Variants in CACNG5 observed in about 807,000 individuals in gnomAD.
The protein encoded by CACNG5 is calcium voltage-gated channel auxiliary subunit gamma 5.
In CACNG5, 18 loss-of-function variants were observed where a neutral mutation model predicts 24.8. The observed-to-expected ratio is 0.73, with a 90% CI of 0.50 to 1.08. The LOEUF (loss-of-function observed/expected upper bound fraction) is 1.08, where lower values mean the gene tolerates loss of function less well. CACNG5 is among the 50% of genes least tolerant of loss of function. The probability of loss-of-function intolerance (pLI) is 0.00; values close to 1 mark genes in which losing one functional copy is unlikely to be tolerated. For missense variants in CACNG5, 349 were observed against 367.9 expected (o/e 0.95, Z 0.42); for synonymous variants, 157 against 149.1 (o/e 1.05, Z -0.39).
chr17:66,835,718 C>T (rs1976474502), intron 1 of CACNG5, among the ~76,000 whole-genome samples: 1 of 152,160 alleles, frequency 6.6e-6, no homozygotes, highest in Non-Finnish European at 1.5e-5. Context: ...CTCATTTCTC[C>T]AGCTCGTGGG....
intron 3 of CACNG5, 136 bp from the exon 4 acceptor site, chr17:66,880,421 A>G (rs1977139984): frequency 2.1e-6 from 2 of 960,078 alleles, no homozygotes; most frequent in African/African-American, 3.3e-5. Flanking sequence ...TGATGGGGGT[A>G]GAGTCTGGGG....
At chr17:66,852,439 G>C (rs1340534451) in intron 1 of CACNG5, among the ~76,000 whole-genome samples, 1 of 152,052 alleles carries the variant, frequency 6.6e-6, no homozygotes, top group Admixed American at 6.6e-5. Context: ...AACCCTAATA[G>C]AAAATTGAAG....
chr17:66,848,040 G>T (rs77302001), intron 1 of CACNG5, among the ~76,000 whole-genome samples: 2,011 of 152,282 alleles, frequency 0.013, 47 homozygotes, highest in African/African-American at 0.046. Context: ...GGTGGGATTT[G>T]CTCTGTGCAT....
At chr17:66,848,475 G>A (rs1306924015) in intron 1 of CACNG5, among the ~76,000 whole-genome samples, 4 of 152,136 alleles carry the variant, frequency 2.6e-5, no homozygotes, top group African/African-American at 7.2e-5. Flanking sequence ...CCCTGCACAC[G>A]GTCACCTCAT....
At chr17:66,877,097 G>A (rs557758392) in intron 1 of CACNG5, 133 bp from the exon 2 acceptor site, 62 of 493,712 alleles carry the variant, frequency 1.3e-4, no homozygotes, top group African/African-American at 6.0e-4. Context: ...GAATTGCTGC[G>A]GGGTTAGGGG....
At chr17:66,846,377 A>C (rs1295567972) in intron 1 of CACNG5, among the ~76,000 whole-genome samples, 1 of 152,140 alleles carries the variant, frequency 6.6e-6, no homozygotes, top group Non-Finnish European at 1.5e-5. Flanking sequence ...TGAAGCAGTC[A>C]CTTCCATTCC....
chr17:66,841,706 G>A (rs530990298), intron 1 of CACNG5, among the ~76,000 whole-genome samples: 24 of 152,292 alleles, frequency 1.6e-4, no homozygotes, highest in African/African-American at 4.1e-4. Flanking sequence ...GACTCAGTGC[G>A]TGAGCTTAGA....
intron 1 of CACNG5, among the ~76,000 whole-genome samples, chr17:66,849,270 T>C (rs559317034): frequency 9.0e-4 from 125 of 139,646 alleles, no homozygotes; most frequent in African/African-American, 3.0e-3. Context: ...GTGGGGAGGG[T>C]GAGGAACACT....
At chr17:66,851,867 G>T (rs1028462919) in intron 1 of CACNG5, among the ~76,000 whole-genome samples, 10 of 152,338 alleles carry the variant, frequency 6.6e-5, no homozygotes, top group African/African-American at 2.4e-4. Flanking sequence ...TAAATAGATT[G>T]TAGCCATTAA....
In CACNG5 at chr17:66,888,906, G is replaced by T; in HGVS notation, c.*3666G>T. On this transcript the variant is annotated 3_prime_UTR_variant, in exon 6 of 6. Transcript: ENST00000533854. ...GTCATTTGTGGTTTATGGTCATGTT[G>T]ACCTTAGCCATTAGGCTGATGCCCT... 6.6e-6 allele frequency among the ~76,000 whole-genome samples: 1 copy of T among 152,198 alleles called. No individual in the cohort carries two copies.
At chr17:66,835,415 GCAGTGT>G (rs1481672994) in intron 1 of CACNG5, among the ~76,000 whole-genome samples, 165 bp downstream of exon 1, 1 of 152,196 alleles carries the variant, frequency 6.6e-6, no homozygotes, top group Non-Finnish European at 1.5e-5. Context: ...CCTGGAAGGG[GCAGTGT>G]GGTGGGGAGC....
At chr17:66,851,225 G>GC (rs921519951) in intron 1 of CACNG5, among the ~76,000 whole-genome samples, 101 of 152,230 alleles carry the variant, frequency 6.6e-4, no homozygotes, top group African/African-American at 2.4e-3. Flanking sequence ...AGTTTCTAAC[G>GC]CCCCCCAGGG....
At chr17:66,870,990 A>AT (rs1277512695) in intron 1 of CACNG5, among the ~76,000 whole-genome samples, 5 of 151,884 alleles carry the variant, frequency 3.3e-5, no homozygotes, top group East Asian at 3.9e-4. Flanking sequence ...CAAAAAAAAA[A>AT]AAGTCACATA....
At chr17:66,854,666 C>A (rs988124018) in intron 1 of CACNG5, among the ~76,000 whole-genome samples, 3 of 151,926 alleles carry the variant, frequency 2.0e-5, no homozygotes, top group African/African-American at 4.8e-5. Context: ...TGCACTCCAG[C>A]CTGGGAAACA....
intron 1 of CACNG5, among the ~76,000 whole-genome samples, chr17:66,870,050 T>C (rs1358021513): frequency 9.9e-5 from 15 of 151,188 alleles, no homozygotes; most frequent in Admixed American, 9.9e-4. Flanking sequence ...GCCACTGCAC[T>C]CCAGCCTGGG....
chr17:66,884,846 G>C, intron 5 of CACNG5, 137 bp from the exon 6 acceptor site: 1 of 1,613,312 alleles, frequency 6.2e-7, no homozygotes, highest in Non-Finnish European at 8.5e-7. Flanking sequence ...CCTCCGGCCA[G>C]GATGTCCCCA....
At chr17:66,860,599 TGA>T (rs1976840380) in intron 1 of CACNG5, among the ~76,000 whole-genome samples, 1 of 145,518 alleles carries the variant, frequency 6.9e-6, no homozygotes, top group African/African-American at 2.6e-5. Flanking sequence ...AAACAGAAAC[TGA>T]GAGAATGTGT....
rs895678573 is a variant in CACNG5, at chr17:66,877,112, G to A, written c.-103-118G>A. On this transcript the variant is annotated intron_variant, in intron 1 of 5. Transcript: ENST00000533854. Reference sequence around the variant, plus strand: ...GAATTGCTGCGGGGTTAGGGGGAGGGTGGCACCTCTGTTGCAGTGACCTGG... The same window carrying A: ...GAATTGCTGCGGGGTTAGGGGGAGGATGGCACCTCTGTTGCAGTGACCTGG... The A allele has an allele frequency of 2.1e-4, 110 of 525,284 alleles. 1 individual carries two copies. The highest frequency in any genetic ancestry group is 1.9e-3 in the African/African-American group (100 of 52,498). The allele number at this position is 525,284 out of a possible 1,614,324, so 32.5% of individuals were successfully genotyped here. A position where few individuals can be genotyped will look rare whatever the true frequency, so the allele number is the denominator to read the frequency against.
intron 1 of CACNG5, among the ~76,000 whole-genome samples, chr17:66,870,956 G>A (rs189658162): frequency 6.6e-6 from 1 of 151,522 alleles, no homozygotes; most frequent in East Asian, 2.0e-4. Context: ...CCTCCAGCCT[G>A]GATGACAGGG....
Sources: gnomAD v4.1 joint callset for allele counts (sites outside exome capture counted in the v4.1 genomes callset) on GRCh38, gnomAD v4.1.1 for gene constraint, MANE v1.5 for transcripts, NCBI Gene and HGNC (gene_info 2026-07-23, HGNC 2026-07-21) for gene names.